Variants in FIP1L1 observed in about 807,000 individuals in gnomAD.
FIP1L1 encodes the protein factor interacting with PAPOLA and CPSF1.
FIP1L1 carries 21 observed loss-of-function variants against 84.6 expected under a neutral mutation model. The ratio of observed to expected loss-of-function variants is 0.25; its 90% CI spans 0.18 to 0.36. FIP1L1 has a LOEUF of 0.36. FIP1L1 is among the 10% of genes least tolerant of loss of function. FIP1L1 has a pLI of 1.00. For missense variants in FIP1L1, 526 were observed against 751.1 expected (o/e 0.70, Z 3.50); for synonymous variants, 263 against 242.3 (o/e 1.09, Z -0.80).
intron 10 of FIP1L1, among the ~76,000 whole-genome samples, chr4:53,413,805 A>AT (rs1313656239): frequency 6.6e-6 from 1 of 151,974 alleles, no homozygotes; most frequent in Non-Finnish European, 1.5e-5. Flanking sequence ...TCACTGATTT[A>AT]TTTTTTGCAT....
At chr4:53,432,878 CT>C (rs1038534464) in intron 13 of FIP1L1, among the ~76,000 whole-genome samples, 13 of 149,748 alleles carry the variant, frequency 8.7e-5, no homozygotes, top group Middle Eastern at 3.4e-3. Context: ...GTCCTAGAAA[CT>C]TTTTTTTTTA....
chr4:53,433,905 C>T (rs1767886112), intron 13 of FIP1L1, among the ~76,000 whole-genome samples: 1 of 148,926 alleles, frequency 6.7e-6, no homozygotes, highest in African/African-American at 2.5e-5. Context: ...TTATTTATTC[C>T]TTAAATATGT....
rs184888521 is a variant in FIP1L1, at chr4:53,396,998, C to T, written c.706-2732C>T. Among the ~76,000 whole-genome samples, 401 of 152,312 alleles carry T rather than the reference C, an allele frequency of 2.6e-3. 4 individuals are homozygous for T. Among genetic ancestry groups the T allele is most frequent in the Middle Eastern group, 3.4e-3 (1 of 294 alleles). On this transcript the variant is annotated intron_variant, in intron 9 of 17. Transcript: ENST00000337488. ...GAGTATGAAAGGAAAATTTTGAACTCTGCAGTTTTTACTGCTAGAGAGTTC... is the reference window on the plus strand; with the variant it reads ...GAGTATGAAAGGAAAATTTTGAACTTTGCAGTTTTTACTGCTAGAGAGTTC...
At chr4:53,416,878 C>G (rs781265620) in intron 11 of FIP1L1, among the ~76,000 whole-genome samples, 12 of 152,042 alleles carry the variant, frequency 7.9e-5, no homozygotes, top group Non-Finnish European at 1.0e-4. Context: ...GTGGGAGAAT[C>G]ACTTGAACCC....
chr4:53,424,959 G>A (rs1763745014), intron 11 of FIP1L1, among the ~76,000 whole-genome samples: 2 of 152,056 alleles, frequency 1.3e-5, no homozygotes, highest in African/African-American at 4.8e-5. Context: ...CCAACCTATG[G>A]TAGCTGCTGT....
chr4:53,455,982 GGGAAATGTGCTGTTGACTTTAGCCAATT>G (rs1247102917), intron 16 of FIP1L1, among the ~76,000 whole-genome samples: 8 of 152,184 alleles, frequency 5.3e-5, no homozygotes, highest in East Asian at 1.9e-4. Context: ...TTTGCTTGGT[GGGAAATGTGCTGTTGACTTTAGCCAATT>G]GGAAATGTGC....
intron 15 of FIP1L1, among the ~76,000 whole-genome samples, chr4:53,446,831 A>G (rs1160062868): frequency 6.6e-6 from 1 of 152,144 alleles, no homozygotes; most frequent in African/African-American, 2.4e-5. Context: ...TAAAAATGCT[A>G]ACTTGGTATT....
chr4:53,429,630 G>A (rs115980610), intron 13 of FIP1L1, among the ~76,000 whole-genome samples: 2,676 of 152,070 alleles, frequency 0.018, 85 homozygotes, highest in African/African-American at 0.061. Context: ...ACTTTACTAG[G>A]TAGTGATTTG....
intron 16 of FIP1L1, among the ~76,000 whole-genome samples, chr4:53,454,451 G>T (rs930967921): frequency 6.6e-6 from 1 of 152,108 alleles, no homozygotes; most frequent in African/African-American, 2.4e-5. Context: ...TACATATACC[G>T]CAAATTTTGA....
intron 17 of FIP1L1, among the ~76,000 whole-genome samples, chr4:53,459,037 G>T (rs1039105974): frequency 3.9e-5 from 6 of 152,150 alleles, no homozygotes; most frequent in African/African-American, 1.2e-4. Flanking sequence ...ATTTGTTACT[G>T]TATATTATAA....
chr4:53,445,109 T>C (rs1773625126), intron 15 of FIP1L1, among the ~76,000 whole-genome samples: 1 of 152,162 alleles, frequency 6.6e-6, no homozygotes, highest in African/African-American at 2.4e-5. Flanking sequence ...GTGTTGTGGC[T>C]GGAATGTAGA....
chr4:53,382,781 A>G lies in FIP1L1; in HGVS notation c.228+446A>G, dbSNP rs150601527. Among the ~76,000 whole-genome samples the G allele has an allele frequency of 5.7e-3, 875 of 152,312 alleles. 10 individuals are homozygous for G. The highest frequency in any genetic ancestry group is 7.3e-3 in the Non-Finnish European group (496 of 68,032). ...GTCCTATGAATATTTGTGCATTTTA[A>G]TCCTATAAAAGGAAGGAAGTTATTG... On this transcript the variant is annotated intron_variant, in intron 4 of 17. Transcript: ENST00000337488.
chr4:53,453,134 GT>G lies in FIP1L1; in HGVS notation c.1499+4del. The G allele has an allele frequency of 6.2e-7, 1 of 1,614,006 alleles. No homozygotes were observed. Among genetic ancestry groups the G allele is most frequent in the Non-Finnish European group, 8.5e-7 (1 of 1,179,974 alleles). On this transcript the variant is annotated splice_donor_variant, in intron 16 of 17. Transcript: ENST00000337488. LOFTEE classifies it high-confidence loss of function. Reference sequence around the variant, plus strand: ...GTCCTACACCAAGTGTTTTCAACAGGTTTGTTGGGTGTGCAGGAGTTTATAC... The same window carrying G: ...GTCCTACACCAAGTGTTTTCAACAGGTTGTTGGGTGTGCAGGAGTTTATAC...
chr4:53,380,250 A>G (rs1578072320), intron 3 of FIP1L1, among the ~76,000 whole-genome samples: 1 of 152,256 alleles, frequency 6.6e-6, no homozygotes, highest in Admixed American at 6.5e-5. Context: ...CAACTGATGA[A>G]TGGATAGATT....
At chr4:53,451,311 T>C (rs1715789441) in intron 15 of FIP1L1, among the ~76,000 whole-genome samples, 1 of 151,688 alleles carries the variant, frequency 6.6e-6, no homozygotes, top group Admixed American at 6.6e-5. Flanking sequence ...TTTTTTTTTT[T>C]TCCTCATCTT....
chr4:53,402,667 A>C (rs577093034), intron 10 of FIP1L1, among the ~76,000 whole-genome samples: 8 of 152,306 alleles, frequency 5.3e-5, no homozygotes, highest in Admixed American at 6.5e-5. Context: ...ACACCACTGC[A>C]CTCCAGCCTT....
intron 5 of FIP1L1, among the ~76,000 whole-genome samples, chr4:53,389,285 G>A (rs1742850278): frequency 6.6e-6 from 1 of 152,118 alleles, no homozygotes; most frequent in Non-Finnish European, 1.5e-5. Flanking sequence ...CAAGTTGGAG[G>A]AATTTTACTT....
intron 6 of FIP1L1, among the ~76,000 whole-genome samples, 181 bp from the exon 7 acceptor site, chr4:53,390,340 C>T (rs1743586035): frequency 6.6e-6 from 1 of 152,124 alleles, no homozygotes; most frequent in East Asian, 1.9e-4. Context: ...ATTTTAGGCT[C>T]TGCTTTGTTT....
At chr4:53,411,827 CAG>C (rs2149716140) in intron 10 of FIP1L1, among the ~76,000 whole-genome samples, 1 of 152,136 alleles carries the variant, frequency 6.6e-6, no homozygotes, top group African/African-American at 2.4e-5. Context: ...TTTAATATAT[CAG>C]AATGCTTTGC....
Sources: allele counts gnomAD v4.1 joint callset (sites outside exome capture counted in the v4.1 genomes callset), GRCh38; gene constraint gnomAD v4.1.1; transcripts MANE v1.5; gene names NCBI Gene and HGNC (gene_info 2026-07-23, HGNC 2026-07-21).